Variants in SYNPO2 observed in about 807,000 individuals in gnomAD.
SYNPO2 encodes synaptopodin 2.
A neutral mutation model predicts 85.0 loss-of-function variants in SYNPO2; 56 were observed. The observed-to-expected ratio is 0.66, with a 90% CI of 0.53 to 0.82. The LOEUF (loss-of-function observed/expected upper bound fraction) is 0.82, where lower values mean the gene tolerates loss of function less well. SYNPO2 is among the 40% of genes least tolerant of loss of function. The pLI, the probability that SYNPO2 is intolerant of heterozygous loss-of-function variation, is 0.00. For missense variants in SYNPO2, 1,575 were observed against 1,534.2 expected (o/e 1.03, Z -0.44); for synonymous variants, 602 against 591.1 (o/e 1.02, Z -0.27).
chr4:118,896,189 T>C (rs1732546184), intron 1 of SYNPO2, among the ~76,000 whole-genome samples: 1 of 152,022 alleles, frequency 6.6e-6, no homozygotes, highest in Non-Finnish European at 1.5e-5. Flanking sequence ...TAATACAGAG[T>C]TTGTATGAAA....
intron 1 of SYNPO2, among the ~76,000 whole-genome samples, chr4:118,919,683 A>G (rs974196468): frequency 1.3e-5 from 2 of 152,208 alleles, no homozygotes; most frequent in African/African-American, 4.8e-5. Flanking sequence ...AAAGTTTTCT[A>G]GAAGGTGGAA....
chr4:118,911,932 G>A (rs1368128975), intron 1 of SYNPO2, among the ~76,000 whole-genome samples: 1 of 152,136 alleles, frequency 6.6e-6, no homozygotes, highest in East Asian at 1.9e-4. Flanking sequence ...CAATTGACAG[G>A]ATCAAGTCTA....
chr4:118,923,451 A>C (rs1733605592), intron 1 of SYNPO2, among the ~76,000 whole-genome samples: 1 of 152,090 alleles, frequency 6.6e-6, no homozygotes, highest in Non-Finnish European at 1.5e-5. Flanking sequence ...TACTGTGCTT[A>C]TTACCTGGGC....
intron 1 of SYNPO2, among the ~76,000 whole-genome samples, chr4:118,922,374 T>A (rs544530084): frequency 6.6e-6 from 1 of 152,248 alleles, no homozygotes; most frequent in Non-Finnish European, 1.5e-5. Context: ...TATAAGAATA[T>A]ATATTATAAA....
intron 1 of SYNPO2, among the ~76,000 whole-genome samples, chr4:118,914,814 T>C (rs1733257124): frequency 6.6e-6 from 1 of 151,938 alleles, no homozygotes; most frequent in Non-Finnish European, 1.5e-5. Flanking sequence ...CAGGAAAGTG[T>C]TTCTTAGAAT....
intron 1 of SYNPO2, among the ~76,000 whole-genome samples, chr4:118,922,427 T>C (rs913029662): frequency 6.6e-6 from 1 of 152,062 alleles, no homozygotes; most frequent in Admixed American, 6.6e-5. Flanking sequence ...GGAAGTAAAA[T>C]GTATTTGTGG....
At chr4:119,050,115 T>C (rs1738990044) in intron 4 of SYNPO2, among the ~76,000 whole-genome samples, 1 of 152,096 alleles carries the variant, frequency 6.6e-6, no homozygotes, top group African/African-American at 2.4e-5. Context: ...GCAGATCACC[T>C]GAGGTCAGGA....
chr4:118,999,295 C>T (rs1207703063), intron 1 of SYNPO2, among the ~76,000 whole-genome samples: 7 of 151,962 alleles, frequency 4.6e-5, no homozygotes, highest in African/African-American at 1.2e-4. Flanking sequence ...ACTACAGGCA[C>T]GTGCCACTGT....
intron 1 of SYNPO2, among the ~76,000 whole-genome samples, chr4:118,996,439 G>A (rs1006655394): frequency 6.6e-6 from 1 of 152,058 alleles, no homozygotes; most frequent in African/African-American, 2.4e-5. Context: ...ACTAGCCTGA[G>A]TATACGGAGA....
chr4:119,030,701 C>T lies in SYNPO2; in HGVS notation c.1926C>T (p.Gly642=). 1.1e-5 allele frequency: 18 copies of T among 1,614,180 alleles called. No individual in the cohort carries two copies. The highest frequency in any genetic ancestry group is 1.5e-5 in the Non-Finnish European group (18 of 1,180,038). ...GAGGGGTTTCAAGTCCGATTGCTGG[C>T]CCAGCACAGCCCCCTCCATGGCCCC... is the stretch of plus-strand genomic sequence containing the variant. ...FSRGVSSPIA[G]PAQPPPWPQP... The change falls in exon 4 of 5, where the codon GGC becomes GGT. Residue 642 remains glycine (G), a synonymous_variant. Coordinates refer to ENST00000307142, the MANE Select transcript of SYNPO2 (RefSeq NM_133477.3).
At chr4:118,915,939 C>T (rs984620889) in intron 1 of SYNPO2, among the ~76,000 whole-genome samples, 1 of 151,740 alleles carries the variant, frequency 6.6e-6, no homozygotes, top group Non-Finnish European at 1.5e-5. Flanking sequence ...TCATGACTAC[C>T]ACGTAAATTA....
intron 4 of SYNPO2, among the ~76,000 whole-genome samples, chr4:119,045,419 C>T (rs1000644801): frequency 2.0e-5 from 3 of 152,106 alleles, no homozygotes; most frequent in Admixed American, 6.5e-5. Flanking sequence ...CCACTGCTCT[C>T]TAGCCGGGGT....
At position 118,936,745 on chromosome 4, in the gene SYNPO2, T is replaced by G. The variant is rs1316454816; in HGVS notation, c.105+47604T>G. Among the ~76,000 whole-genome samples the G allele has an allele frequency of 3.9e-5, 6 of 152,134 alleles. No homozygotes were observed. In the East Asian group the frequency reaches 5.8e-4, roughly 15 times the overall value. Reference sequence around the variant, plus strand: ...TTCTTAAACATAAGATCACTAACAATTATCTATTAAGCCTGTGGTGTCCTC... The same window carrying G: ...TTCTTAAACATAAGATCACTAACAAGTATCTATTAAGCCTGTGGTGTCCTC... On this transcript the variant is annotated intron_variant, in intron 1 of 4. Transcript: ENST00000307142.
At chr4:118,923,504 A>G (rs1733607354) in intron 1 of SYNPO2, among the ~76,000 whole-genome samples, 1 of 152,086 alleles carries the variant, frequency 6.6e-6, no homozygotes, top group African/African-American at 2.4e-5. Context: ...CATGCAATTT[A>G]CCTATATAAC....
At chr4:118,912,101 AC>A (rs1464033341) in intron 1 of SYNPO2, among the ~76,000 whole-genome samples, 1 of 152,222 alleles carries the variant, frequency 6.6e-6, no homozygotes, top group African/African-American at 2.4e-5. Context: ...TAAATAAACC[AC>A]TAGCCTTTAA....
chr4:118,904,271 CTAATTT>C (rs72120390), intron 1 of SYNPO2, among the ~76,000 whole-genome samples: 1,684 of 152,188 alleles, frequency 0.011, 30 homozygotes, highest in African/African-American at 0.038. Context: ...TGCGGTTATT[CTAATTT>C]TATCTAACTA....
At chr4:118,898,654 C>A (rs1447069730) in intron 1 of SYNPO2, among the ~76,000 whole-genome samples, 1 of 152,082 alleles carries the variant, frequency 6.6e-6, no homozygotes, top group African/African-American at 2.4e-5. Flanking sequence ...TAGTAAATGG[C>A]AAAACCAGGA....
chr4:118,878,920 CT>C (rs1176757833), intron 1 of SYNPO2, among the ~76,000 whole-genome samples: 1 of 152,222 alleles, frequency 6.6e-6, no homozygotes, highest in African/African-American at 2.4e-5. Context: ...GTAAATCCTA[CT>C]GCTGTTCAGT....
rs1735243757 is a variant in SYNPO2 at position 118,964,655 on chromosome 4, C to G, written c.106-58775C>G. ...ATCTCCATCTTTCTCTCTCTTCTTC[C>G]CTCCCACTCTTTGATTTGATTTTTT... On this transcript the variant is annotated intron_variant, in intron 1 of 4. Coordinates refer to ENST00000307142, the MANE Select transcript of SYNPO2 (RefSeq NM_133477.3). Among the ~76,000 whole-genome samples, 3 of 152,018 alleles carry G rather than the reference C, an allele frequency of 2.0e-5. No homozygotes were observed. In the South Asian group the frequency reaches 6.2e-4, roughly 32 times the overall value.
Sources: gnomAD v4.1 joint callset for allele counts (sites outside exome capture counted in the v4.1 genomes callset) on GRCh38, gnomAD v4.1.1 for gene constraint, MANE v1.5 for transcripts, NCBI Gene and HGNC (gene_info 2026-07-23, HGNC 2026-07-21) for gene names.